PDGFRB: variants seen among roughly 807,000 people sequenced by gnomAD.
The protein encoded by PDGFRB is platelet derived growth factor receptor beta.
A neutral mutation model predicts 120.2 loss-of-function variants in PDGFRB; 42 were observed. The ratio of observed to expected loss-of-function variants is 0.35; its 90% CI spans 0.27 to 0.45. The LOEUF (loss-of-function observed/expected upper bound fraction) is 0.45, where lower values mean the gene tolerates loss of function less well. PDGFRB is among the 20% of genes least tolerant of loss of function. PDGFRB has a pLI of 1.00. For missense variants in PDGFRB, 1,149 were observed against 1,476.3 expected, an observed-to-expected ratio of 0.78 and a Z score of 3.63; for synonymous variants, 586 against 606.8, an observed-to-expected ratio of 0.97 and a Z score of 0.50.
At position 150,135,893 on chromosome 5, in the gene PDGFRB, G is replaced by T; in HGVS notation, c.41-15C>A. On this transcript the variant is annotated splice_polypyrimidine_tract_variant and intron_variant, in intron 2 of 22. Coordinates refer to ENST00000261799, the MANE Select transcript of PDGFRB (RefSeq NM_002609.4). ...CAGCAGCTCGCCTTTGGGAGAGGAG[G>T]TATCAGACATCAGGAAACAGGGGCT... 1 of 1,510,114 alleles carries T rather than the reference G, an allele frequency of 6.6e-7. No homozygotes were observed. Among genetic ancestry groups the T allele is most frequent in the Non-Finnish European group, 8.9e-7 (1 of 1,128,198 alleles). 93.5% of individuals were successfully genotyped at this position (1,510,114 alleles called of 1,614,324 possible). A position where few individuals can be genotyped will look rare whatever the true frequency, so the allele number is the denominator to read the frequency against.
chr5:150,124,158 G>T, intron 14 of PDGFRB, 92 bp downstream of exon 14: 1 of 802,316 alleles, frequency 1.2e-6, no homozygotes, highest in Non-Finnish European at 2.1e-6. Context: ...GCAGGAGTGT[G>T]CTGTTGTGCA....
chr5:150,133,833 C>A (rs757760319), intron 5 of PDGFRB, 48 bp downstream of exon 5: 2 of 1,612,332 alleles, frequency 1.2e-6, no homozygotes. Flanking sequence ...AGCCAGATAT[C>A]CACCCGTTCC....
intron 1 of PDGFRB, among the ~76,000 whole-genome samples, chr5:150,142,269 C>T (rs1241610666): frequency 6.6e-6 from 1 of 152,218 alleles, no homozygotes; most frequent in Non-Finnish European, 1.5e-5. Flanking sequence ...AGCTCCCCGC[C>T]TCCAGCCCCT....
intron 1 of PDGFRB, chr5:150,153,536 C>T (rs1478121418): frequency 2.0e-5 from 3 of 152,222 alleles, no homozygotes; most frequent in Admixed American, 1.3e-4. Context: ...ATCTCAGCTT[C>T]CTCATCTACA....
At chr5:150,140,668 C>T (rs548540884) in intron 1 of PDGFRB, among the ~76,000 whole-genome samples, 5 of 151,388 alleles carry the variant, frequency 3.3e-5, no homozygotes, top group South Asian at 2.1e-4. Flanking sequence ...TCTAGGGGAG[C>T]GGAGTAAGGA....
rs780974007 is a variant in PDGFRB at position 150,134,898 on chromosome 5, G to A, written c.483C>T (p.His161=). ...VTDPQLVVTL[H]EKKGDVALPV... ...GCAGTGCAACGTCCCCTTTCTTCTCGTGCAGTGTCACCACCAGCTGTGGGT... is the reference window on the plus strand; with the variant it reads ...GCAGTGCAACGTCCCCTTTCTTCTCATGCAGTGTCACCACCAGCTGTGGGT... The change falls in exon 4 of 23, where the codon CAC becomes CAT. Residue 161 remains histidine (H), a synonymous_variant. Transcript: ENST00000261799. 35 of 1,613,944 alleles carry A rather than the reference G, an allele frequency of 2.2e-5. No homozygotes were observed. Among genetic ancestry groups the A allele is most frequent in the Middle Eastern group, 1.6e-4 (1 of 6,062 alleles).
chr5:150,123,141 C>A lies in PDGFRB; in HGVS notation c.2084G>T (p.Arg695Leu). The A allele has an allele frequency of 1.9e-6, 3 of 1,613,646 alleles. No individual in the cohort carries two copies. The highest frequency in any genetic ancestry group is 2.5e-6 in the Non-Finnish European group (3 of 1,179,688). Residue 695 changes from arginine to leucine, a missense_variant, in exon 15 of 23, where the codon CGC (arginine) becomes CTC (leucine). Arg to Leu is a moderately radical substitution (Grantham distance 102). This residue lies in a region of PDGFRB where 879 missense variants were observed against 1,108.6 expected (regional missense o/e 0.79). Transcript: ENST00000261799. Reference sequence around the variant, plus strand: ...GTGCTGCAGGAAGGTGTGTTTGTTGCGGTGCAGGTAGTCCACCAGGTCTCC... The same window carrying A: ...GTGCTGCAGGAAGGTGTGTTTGTTGAGGTGCAGGTAGTCCACCAGGTCTCC... ...RYGDLVDYLH[R>L]NKHTFLQHHS...
In PDGFRB at chr5:150,120,244, T is replaced by C. The variant is rs1760088984; in HGVS notation, c.2587-121A>G. On this transcript the variant is annotated intron_variant, in intron 18 of 22. Transcript: ENST00000261799. This position sits in a 1 kb window ranked among gnomAD's most constrained non-coding sequence, Gnocchi z 4.3. ...ACAACCACTTCTCCGTCCCATTCCC[T>C]GTGAGGGCCCTGGTCTCTGCGCAGC... The C allele has an allele frequency of 1.5e-6, 1 of 656,998 alleles. No homozygotes were observed. The highest frequency in any genetic ancestry group is 1.7e-5 in the South Asian group (1 of 59,236). 40.7% of individuals were successfully genotyped at this position (656,998 alleles called of 1,614,324 possible).
chr5:150,144,388 G>C (rs922743763), intron 1 of PDGFRB, among the ~76,000 whole-genome samples: 2 of 152,082 alleles, frequency 1.3e-5, no homozygotes, highest in Non-Finnish European at 2.9e-5. Flanking sequence ...TGCCCCTCCA[G>C]CTCCCCAGGG....
intron 8 of PDGFRB, among the ~76,000 whole-genome samples, chr5:150,131,230 CCTT>C (rs752868392): frequency 2.6e-5 from 4 of 152,150 alleles, no homozygotes; most frequent in Non-Finnish European, 5.9e-5. Flanking sequence ...TGCGATTTGC[CCTT>C]CTCCCAGCCC....
chr5:150,126,421 G>A, intron 11 of PDGFRB, 99 bp downstream of exon 11: 1 of 763,312 alleles, frequency 1.3e-6, no homozygotes, highest in Middle Eastern at 2.5e-4. Flanking sequence ...AGCCCTGCAT[G>A]TGGCCAGATC....
chr5:150,135,150 G>A, intron 3 of PDGFRB, 134 bp from the exon 4 acceptor site: 1 of 606,930 alleles, frequency 1.6e-6, no homozygotes, highest in Non-Finnish European at 2.9e-6. Context: ...TCCCAGAAGA[G>A]CATAAATCAA....
Position 150,148,035 on chromosome 5 carries a change from C to T in PDGFRB, c.-7+7362G>A, listed in dbSNP as rs574069644. 3.3e-5 allele frequency among the ~76,000 whole-genome samples: 5 copies of T among 152,164 alleles called. No individual in the cohort carries two copies. The South Asian group carries it at 6.2e-4, about 19-fold the overall frequency. ...GTGCAAGAAGGCCTCTCCCAAAAGA[C>T]GCTCCTCAGGAAGAGGTAGCTGCTG... is the stretch of plus-strand genomic sequence containing the variant. On this transcript the variant is annotated intron_variant, in intron 1 of 22. Coordinates refer to ENST00000261799, the MANE Select transcript of PDGFRB (RefSeq NM_002609.4).
Position 150,123,262 on chromosome 5 carries a change from A to G in PDGFRB, c.2024-61T>C, listed in dbSNP as rs1391263756. ...AGGCCTCAGGCGTCCCTTCAAGGCCATGAGGCTAATCAGGGGCTGGATGTG... is the reference window on the plus strand; with the variant it reads ...AGGCCTCAGGCGTCCCTTCAAGGCCGTGAGGCTAATCAGGGGCTGGATGTG... On this transcript the variant is annotated intron_variant, in intron 14 of 22. Transcript: ENST00000261799. 22 of 1,347,850 alleles carry G rather than the reference A, an allele frequency of 1.6e-5. No individual in the cohort carries two copies. In the Admixed American group the frequency reaches 2.2e-4, roughly 14 times the overall value. The allele number at this position is 1,347,850 out of a possible 1,614,324, so 83.5% of individuals were successfully genotyped here.
rs376007701 is a variant in PDGFRB, at chr5:150,118,796, G to C, written c.2855C>G (p.Ser952Cys). Residue 952 changes from serine (S) to cysteine (C), a missense_variant, in exon 21 of 23, where the codon TCC becomes TGC. By Grantham distance (112) the Ser-to-Cys change is moderately radical. Transcript: ENST00000261799. Reference sequence around the variant, plus strand: ...TCTCTCGAGAAGCAGCACCAGCTGGGAGAAGGGGGGCCGAATCTCAAACTT... The same window carrying C: ...TCTCTCGAGAAGCAGCACCAGCTGGCAGAAGGGGGGCCGAATCTCAAACTT... The part of the protein sequence containing the change: ...EEKFEIRPPF[S>C]QLVLLLERLL... 9.9e-6 allele frequency: 16 copies of C among 1,613,624 alleles called. No homozygotes were observed. Among genetic ancestry groups the C allele is most frequent in the East Asian group, 4.5e-5 (2 of 44,888 alleles).
Position 150,126,512 on chromosome 5 carries a change from G to T in PDGFRB, c.1674+8C>A. The T allele has an allele frequency of 6.7e-7, 1 of 1,502,706 alleles. No homozygotes were observed. The highest frequency in any genetic ancestry group is 9.3e-7 in the Non-Finnish European group (1 of 1,078,472). 93.1% of individuals were successfully genotyped at this position (1,502,706 alleles called of 1,614,324 possible). ...AGTCTTCACCCACTGGGCCAGGGAG[G>T]GGCTTACCTTCTGCCAAAGCATGAT... is the stretch of plus-strand genomic sequence containing the variant. On this transcript the variant is annotated splice_region_variant and intron_variant, in intron 11 of 22. Coordinates refer to ENST00000261799, the MANE Select transcript of PDGFRB (RefSeq NM_002609.4).
chr5:150,150,684 G>A (rs1236879794), intron 1 of PDGFRB, among the ~76,000 whole-genome samples: 1 of 152,058 alleles, frequency 6.6e-6, no homozygotes, highest in Non-Finnish European at 1.5e-5. Context: ...GAGGATCTGG[G>A]CCTGAGGGCT....
At chr5:150,128,368 A>G (rs1760357033) in intron 10 of PDGFRB, among the ~76,000 whole-genome samples, 1 of 152,236 alleles carries the variant, frequency 6.6e-6, no homozygotes, top group Non-Finnish European at 1.5e-5. Context: ...AGGGCAGGGG[A>G]CAGGAGGCAG....
chr5:150,119,140 G>A (rs1760054232), intron 20 of PDGFRB, among the ~76,000 whole-genome samples: 1 of 152,228 alleles, frequency 6.6e-6, no homozygotes, highest in Non-Finnish European at 1.5e-5. Flanking sequence ...GTTGGTTCTT[G>A]ATGGCATGTG....
Sources: gnomAD v4.1 joint callset for allele counts (sites outside exome capture counted in the v4.1 genomes callset) on GRCh38, gnomAD v4.1.1 for gene constraint, gnomAD v4.1.1 regional missense constraint, Gnocchi (gnomAD v3.1) non-coding constraint, MANE v1.5 for transcripts, NCBI Gene and HGNC (gene_info 2026-07-23, HGNC 2026-07-21) for gene names.